Variants in TBC1D8 observed in about 807,000 individuals in gnomAD.
TBC1D8 encodes the protein BUB2-like protein 1.
TBC1D8 carries 65 observed loss-of-function variants against 118.8 expected under a neutral mutation model. That is an observed-to-expected ratio of 0.55 (90% CI 0.45 to 0.67). TBC1D8 has a LOEUF of 0.67. Among genes scored for constraint, TBC1D8 ranks in the 30% least tolerant of loss-of-function variants. The pLI is 0.00. For missense variants in TBC1D8, 1,376 were observed against 1,471.2 expected (o/e 0.94, Z 1.06); for synonymous variants, 566 against 595.8 (o/e 0.95, Z 0.73).
intron 1 of TBC1D8, among the ~76,000 whole-genome samples, chr2:101,107,542 T>C (rs1044797049): frequency 6.6e-6 from 1 of 152,182 alleles, no homozygotes; most frequent in Non-Finnish European, 1.5e-5. Flanking sequence ...GACATGCATA[T>C]ACACAAGAGT....
intron 2 of TBC1D8, among the ~76,000 whole-genome samples, chr2:101,076,505 C>T (rs1004693952): frequency 2.6e-5 from 4 of 152,168 alleles, no homozygotes; most frequent in African/African-American, 9.7e-5. Context: ...TTCAATTAAA[C>T]CTTTATTAGT....
chr2:101,024,927 G>A (rs186481856), intron 15 of TBC1D8, among the ~76,000 whole-genome samples: 209 of 152,130 alleles, frequency 1.4e-3, no homozygotes, highest in African/African-American at 4.7e-3. Context: ...ATCAGAGTTC[G>A]GCCCTACAAG....
intron 2 of TBC1D8, among the ~76,000 whole-genome samples, chr2:101,084,747 T>C (rs927324500): frequency 4.6e-5 from 7 of 151,918 alleles, no homozygotes; most frequent in African/African-American, 1.2e-4. Flanking sequence ...ATCTCCGACA[T>C]CAAGCATGTG....
At chr2:101,012,893 C>T (rs1454553152) in intron 17 of TBC1D8, among the ~76,000 whole-genome samples, 1 of 152,190 alleles carries the variant, frequency 6.6e-6, no homozygotes, top group African/African-American at 2.4e-5. Flanking sequence ...TTGCCCAAAA[C>T]GAATTTTGTG....
chr2:101,028,606 C>G, intron 12 of TBC1D8, 174 bp from the exon 13 acceptor site: 1 of 934,734 alleles, frequency 1.1e-6, no homozygotes, highest in Non-Finnish European at 1.5e-6. Flanking sequence ...TCATGAAGCC[C>G]GGCTTGTGGA....
At position 101,059,638 on chromosome 2, in the gene TBC1D8, G is replaced by C. The variant is rs996593098; in HGVS notation, c.284-99C>G. 3.7e-6 allele frequency: 4 copies of C among 1,084,846 alleles called. No homozygotes were observed. In the African/African-American group the frequency reaches 6.3e-5, roughly 17 times the overall value. 67.2% of individuals were successfully genotyped at this position (1,084,846 alleles called of 1,614,324 possible). On this transcript the variant is annotated intron_variant, in intron 2 of 19. Transcript: ENST00000409318. ...TCCAAATATTGTGTATCCCCATGTT[G>C]ATGTTAAAACATCTGGCCTTGGCCA...
intron 1 of TBC1D8, among the ~76,000 whole-genome samples, chr2:101,092,851 T>C (rs1676130235): frequency 6.6e-6 from 1 of 152,138 alleles, no homozygotes; most frequent in Non-Finnish European, 1.5e-5. Flanking sequence ...ATGGGGTGCC[T>C]CCAGGTCCCC....
Position 101,022,319 on chromosome 2 carries a change from T to G in TBC1D8, c.2723A>C (p.Asp908Ala). 2.5e-6 allele frequency: 4 copies of G among 1,612,818 alleles called. No individual in the cohort carries two copies. Among genetic ancestry groups the G allele is most frequent in the Non-Finnish European group, 3.4e-6 (4 of 1,179,608 alleles). The change falls in exon 16 of 20, where the codon GAC becomes GCC. Residue 908 changes from aspartate to alanine, a missense_variant. Coordinates refer to ENST00000409318, the MANE Select transcript of TBC1D8 (RefSeq NM_001330348.2). ...RTFRLLDDNM[D>A]QLIEFKAFVS... ...AAACGCTTTGAACTCGATGAGCTGG[T>G]CCATGTTGTCATCCAAGAGCCTGAA...
At chr2:101,072,278 C>A (rs962278640) in intron 2 of TBC1D8, among the ~76,000 whole-genome samples, 1 of 152,146 alleles carries the variant, frequency 6.6e-6, no homozygotes, top group African/African-American at 2.4e-5. Context: ...GCACCAGCAT[C>A]TGCTCCTGGT....
rs552507422 is a variant in TBC1D8, at chr2:101,022,719, C to G, written c.2521-198G>C. ...TTGGTTTTTTTATTAAGGTTTTTTT[C>G]TTTCTCATTGTGGTAAAATATACAT... is the stretch of plus-strand genomic sequence containing the variant. On this transcript the variant is annotated intron_variant, in intron 15 of 19. Transcript: ENST00000409318. Among the ~76,000 whole-genome samples the G allele has an allele frequency of 2.6e-5, 4 of 152,250 alleles. No homozygotes were observed. In the East Asian group the frequency reaches 7.7e-4, roughly 29 times the overall value.
chr2:101,111,449 G>A (rs112885239), intron 1 of TBC1D8, among the ~76,000 whole-genome samples: 2,428 of 152,310 alleles, frequency 0.016, 63 homozygotes, highest in African/African-American at 0.054. Context: ...TCCACAACAC[G>A]AATGCCTGAG....
chr2:101,144,075 CT>C (rs1679225517), intron 1 of TBC1D8, among the ~76,000 whole-genome samples: 1 of 152,256 alleles, frequency 6.6e-6, no homozygotes, highest in South Asian at 2.1e-4. Flanking sequence ...AACTTGATAT[CT>C]CCTACATGAC....
At chr2:101,080,380 G>A (rs1675183371) in intron 2 of TBC1D8, among the ~76,000 whole-genome samples, 1 of 152,040 alleles carries the variant, frequency 6.6e-6, no homozygotes, top group South Asian at 2.1e-4. Context: ...GATGGGGTTG[G>A]CACTTCCTTC....
intron 2 of TBC1D8, among the ~76,000 whole-genome samples, chr2:101,069,229 C>T (rs1411918872): frequency 6.7e-6 from 1 of 150,216 alleles, no homozygotes; most frequent in Non-Finnish European, 1.5e-5. Flanking sequence ...GAAGGCGGAG[C>T]TTGCAGTGAC....
intron 1 of TBC1D8, among the ~76,000 whole-genome samples, chr2:101,103,324 A>G (rs927124243): frequency 6.6e-6 from 1 of 151,488 alleles, no homozygotes; most frequent in Non-Finnish European, 1.5e-5. Flanking sequence ...GATTTTAAAA[A>G]AAAAAAAACT....
chr2:101,025,805 C>G (rs888311083), intron 15 of TBC1D8, among the ~76,000 whole-genome samples: 3 of 152,168 alleles, frequency 2.0e-5, no homozygotes, highest in Non-Finnish European at 4.4e-5. Context: ...CCCAATGGCT[C>G]CAGGAGTAGC....
intron 16 of TBC1D8, 96 bp downstream of exon 16, chr2:101,022,185 A>C (rs969655461): frequency 3.9e-5 from 61 of 1,564,818 alleles, no homozygotes; most frequent in Non-Finnish European, 4.9e-5. Context: ...AAAGTGTTAC[A>C]CCATGTGCAT....
chr2:101,115,111 T>G (rs1677762005), intron 1 of TBC1D8, among the ~76,000 whole-genome samples: 1 of 151,688 alleles, frequency 6.6e-6, no homozygotes, highest in Admixed American at 6.6e-5. Context: ...AGAAAGGGAG[T>G]AAGGATAAAA....
At chr2:101,135,644 A>G (rs1369502921) in intron 1 of TBC1D8, among the ~76,000 whole-genome samples, 1 of 152,258 alleles carries the variant, frequency 6.6e-6, no homozygotes, top group Non-Finnish European at 1.5e-5. Flanking sequence ...CCAACTGCCC[A>G]CCATCAGGGA....
Sources: allele counts gnomAD v4.1 joint callset (sites outside exome capture counted in the v4.1 genomes callset), GRCh38; gene constraint gnomAD v4.1.1; transcripts MANE v1.5; gene names NCBI Gene and HGNC (gene_info 2026-07-23, HGNC 2026-07-21).